The following FRAS1 variants were observed in gnomAD, a reference collection of about 807,000 sequenced individuals.
The protein encoded by FRAS1 is extracellular matrix organizing protein FRAS1.
Under a neutral mutation model 435.2 loss-of-function variants are expected in FRAS1, and 290 were observed. That is an observed-to-expected ratio of 0.67 (90% CI 0.61 to 0.73). The LOEUF (loss-of-function observed/expected upper bound fraction) is 0.73. FRAS1 is among the 30% of genes least tolerant of loss of function. FRAS1 has a pLI of 0.00. For synonymous variants in FRAS1, 1,800 were observed against 1,851.0 expected, an observed-to-expected ratio of 0.97 and a Z score of 0.71; for missense variants, 4,860 against 5,001.5, an observed-to-expected ratio of 0.97 and a Z score of 0.85.
Position 78,283,271 on chromosome 4 carries a change from G to A in FRAS1, c.1255+304G>A, listed in dbSNP as rs539409355. Among the ~76,000 whole-genome samples, 3 of 152,276 alleles carry A rather than the reference G, an allele frequency of 2.0e-5. No homozygotes were observed. In the South Asian group the frequency reaches 6.2e-4, roughly 32 times the overall value. On this transcript the variant is annotated intron_variant, in intron 12 of 73. Coordinates refer to ENST00000512123, the MANE Select transcript of FRAS1 (RefSeq NM_025074.7). ...AATTATTGTGAAAATCAAGCAACATGTTTGAAGACTTGTAAAGGTAAATCT... is the reference window on the plus strand; with the variant it reads ...AATTATTGTGAAAATCAAGCAACATATTTGAAGACTTGTAAAGGTAAATCT...
chr4:78,362,625 GC>G (rs2110294907), intron 20 of FRAS1, among the ~76,000 whole-genome samples: 1 of 152,358 alleles, frequency 6.6e-6, no homozygotes, highest in Admixed American at 6.5e-5. Context: ...TGGTGTGACA[GC>G]CTTTTCTGGG....
chr4:78,424,406 A>G lies in FRAS1; in HGVS notation c.4697A>G (p.Lys1566Arg). The G allele has an allele frequency of 6.8e-7, 1 of 1,466,772 alleles. No individual in the cohort carries two copies. The highest frequency in any genetic ancestry group is 9.1e-7 in the Non-Finnish European group (1 of 1,100,656). 90.9% of individuals were successfully genotyped at this position (1,466,772 alleles called of 1,614,324 possible). ...FSFAGLPESVKFHFTVSDGEH... is the reference protein window; with the variant it reads ...FSFAGLPESVRFHFTVSDGEH... ...CTTTTAGGTCTCCCAGAATCAGTGA[A>G]ATTCCACTTCACAGGTAAAGATTCA... Residue 1566 changes from lysine (K) to arginine (R), a missense_variant, in exon 35 of 74, where the codon AAA becomes AGA. Coordinates refer to ENST00000512123, the MANE Select transcript of FRAS1 (RefSeq NM_025074.7).
In FRAS1 at chr4:78,205,202, T is replaced by G. The variant is rs540436931; in HGVS notation, c.109-32308T>G. On this transcript the variant is annotated intron_variant, in intron 2 of 73. Transcript: ENST00000512123. ...TCTTTCTTTCCTTCCTTTTTTTTTT[T>G]TTTTGTTTTGTTTTTTTGAGACAGG... Among the ~76,000 whole-genome samples the G allele has an allele frequency of 4.6e-3, 701 of 152,060 alleles. 8 individuals carry two copies. The highest frequency in any genetic ancestry group is 0.015 in the African/African-American group (639 of 41,490).
intron 60 of FRAS1, among the ~76,000 whole-genome samples, chr4:78,497,229 G>C (rs910163790): frequency 6.6e-6 from 1 of 152,092 alleles, no homozygotes; most frequent in Admixed American, 6.6e-5. Context: ...GAAATGCTAA[G>C]ACAGAGAATA....
chr4:78,527,414 G>A (rs1048562608), intron 70 of FRAS1, among the ~76,000 whole-genome samples: 36 of 152,172 alleles, frequency 2.4e-4, no homozygotes, highest in Non-Finnish European at 4.6e-4. Context: ...CTACACTAGA[G>A]CAGAGGATTA....
chr4:78,390,931 G>C (rs558408218), intron 29 of FRAS1, among the ~76,000 whole-genome samples: 6 of 152,348 alleles, frequency 3.9e-5, no homozygotes, highest in African/African-American at 1.4e-4. Context: ...ACCTGTCAAG[G>C]TAACTAGGGA....
intron 18 of FRAS1, 48 bp from the exon 19 acceptor site, chr4:78,333,224 T>C (rs1208163027): frequency 1.9e-6 from 3 of 1,571,162 alleles, no homozygotes; most frequent in Non-Finnish European, 2.6e-6. Context: ...ACTGTCTGTG[T>C]CACGTGGGGC....
chr4:78,494,627 GC>G (rs979452474), intron 59 of FRAS1, among the ~76,000 whole-genome samples: 14 of 152,232 alleles, frequency 9.2e-5, no homozygotes, highest in African/African-American at 2.6e-4. Context: ...CTTCCACCAG[GC>G]CCCACTTCCA....
At chr4:78,196,322 A>G (rs920860385) in intron 2 of FRAS1, among the ~76,000 whole-genome samples, 1 of 152,076 alleles carries the variant, frequency 6.6e-6, no homozygotes, top group African/African-American at 2.4e-5. Context: ...TCTTATTTAT[A>G]ACAAGATCAT....
chr4:78,234,598 G>A (rs1033767696), intron 2 of FRAS1, among the ~76,000 whole-genome samples: 1 of 152,154 alleles, frequency 6.6e-6, no homozygotes, highest in Non-Finnish European at 1.5e-5. Context: ...CCAATTTTGA[G>A]TAATGTGCTA....
At chr4:78,457,785 T>C (rs1431454305) in intron 47 of FRAS1, among the ~76,000 whole-genome samples, 1 of 152,194 alleles carries the variant, frequency 6.6e-6, no homozygotes, top group Non-Finnish European at 1.5e-5. Flanking sequence ...CTTTCTACTT[T>C]GTACTCACTG....
chr4:78,119,120 T>C (rs1718861830), intron 2 of FRAS1, among the ~76,000 whole-genome samples: 1 of 152,228 alleles, frequency 6.6e-6, no homozygotes, highest in African/African-American at 2.4e-5. Flanking sequence ...ATACATATAA[T>C]GTGTAGTGAT....
At position 78,499,798 on chromosome 4, in the gene FRAS1, A is replaced by G. The variant is rs539632116; in HGVS notation, c.9193A>G (p.Ile3065Val). ...CCCAGATGCCATTGCGATTCTGAAC[A>G]TCAAGGTGATCCGCAGAGGGGATCA... ...AGPDAIAILN[I>V]KVIRRGDQNR... The change falls in exon 61 of 74, where the codon ATC (isoleucine) becomes GTC (valine). Residue 3065 changes from isoleucine (I) to valine (V), a missense_variant. By Grantham distance (29) the Ile-to-Val change is conservative. Coordinates refer to ENST00000512123, the MANE Select transcript of FRAS1 (RefSeq NM_025074.7). 1.1e-5 allele frequency: 18 copies of G among 1,613,932 alleles called. No individual in the cohort carries two copies. The East Asian group carries it at 3.1e-4, about 28-fold the overall frequency.
intron 2 of FRAS1, among the ~76,000 whole-genome samples, chr4:78,080,835 A>G (rs1455696577): frequency 6.6e-6 from 1 of 152,130 alleles, no homozygotes; most frequent in Non-Finnish European, 1.5e-5. Context: ...TAAATCCTTC[A>G]TAGTTACATT....
At chr4:78,506,648 C>T (rs1178251891) in intron 61 of FRAS1, among the ~76,000 whole-genome samples, 1 of 152,182 alleles carries the variant, frequency 6.6e-6, no homozygotes, top group East Asian at 1.9e-4. Context: ...TTTCCAGGTA[C>T]AGTCTGTCAC....
chr4:78,447,881 G>T (rs1718902705), intron 43 of FRAS1, among the ~76,000 whole-genome samples, 172 bp from the exon 44 acceptor site: 1 of 152,188 alleles, frequency 6.6e-6, no homozygotes. Flanking sequence ...TGAGGCCACA[G>T]AGCAGCACCC....
chr4:78,470,491 A>C (rs1719667299), intron 51 of FRAS1, among the ~76,000 whole-genome samples: 1 of 152,206 alleles, frequency 6.6e-6, no homozygotes, highest in Non-Finnish European at 1.5e-5. Context: ...CTTCTTCAGA[A>C]ATTCATCAAT....
chr4:78,475,352 C>T, intron 53 of FRAS1, 86 bp from the exon 54 acceptor site: 2 of 1,468,798 alleles, frequency 1.4e-6, no homozygotes, highest in Non-Finnish European at 1.9e-6. Context: ...ATGCCAAGAA[C>T]CAAATGGAAG....
intron 2 of FRAS1, among the ~76,000 whole-genome samples, chr4:78,118,587 C>T (rs4331800): frequency 0.026 from 3,917 of 152,250 alleles, 70 homozygotes; most frequent in Non-Finnish European, 0.04. Flanking sequence ...TAGCAATGAG[C>T]GAGGCTCCGT....
Sources: gnomAD v4.1 joint callset for allele counts (sites outside exome capture counted in the v4.1 genomes callset) on GRCh38, gnomAD v4.1.1 for gene constraint, MANE v1.5 for transcripts, NCBI Gene and HGNC (gene_info 2026-07-23, HGNC 2026-07-21) for gene names.